MSR1: variants seen among roughly 807,000 people sequenced by gnomAD.
MSR1 encodes macrophage scavenger receptor types I and II.
MSR1 carries 53 observed loss-of-function variants against 47.2 expected under a neutral mutation model. That is an observed-to-expected ratio of 1.12 (90% CI 0.90 to 1.41). The LOEUF (loss-of-function observed/expected upper bound fraction) is 1.41, where lower values mean the gene tolerates loss of function less well. MSR1 is among the 40% of genes most tolerant of loss of function. MSR1 has a pLI of 0.00. For missense variants in MSR1, 786 were observed against 546.9 expected (o/e 1.44, Z -4.36); for synonymous variants, 239 against 185.6 (o/e 1.29, Z -2.34).
chr8:16,173,767 G>C (rs1052081705), intron 3 of MSR1, among the ~76,000 whole-genome samples: 2 of 152,018 alleles, frequency 1.3e-5, no homozygotes, highest in African/African-American at 2.4e-5. Context: ...TCCTGGCTCA[G>C]CCTCCCGAGT....
chr8:16,123,064 C>A (rs1406662533), intron 8 of MSR1, among the ~76,000 whole-genome samples: 1 of 151,920 alleles, frequency 6.6e-6, no homozygotes, highest in Non-Finnish European at 1.5e-5. Context: ...CCAGGATGGT[C>A]TGGATTTCCT....
At chr8:16,149,807 A>C (rs2117130094) in intron 7 of MSR1, among the ~76,000 whole-genome samples, 1 of 152,116 alleles carries the variant, frequency 6.6e-6, no homozygotes, top group South Asian at 2.1e-4. Context: ...TTGTGGTTAA[A>C]CGGGTATTTA....
intron 3 of MSR1, 120 bp downstream of exon 3, chr8:16,175,067 T>A (rs1801601538): frequency 2.5e-6 from 2 of 795,608 alleles, no homozygotes; most frequent in Admixed American, 2.0e-5. Flanking sequence ...GGACACTTTG[T>A]AATGCAGTAT....
At chr8:16,148,342 A>C (rs1288526498) in intron 7 of MSR1, among the ~76,000 whole-genome samples, 2 of 152,154 alleles carry the variant, frequency 1.3e-5, no homozygotes, top group African/African-American at 2.4e-5. Context: ...GAATGAAATA[A>C]TACTCTCCAA....
chr8:16,170,284 G>T (rs1013752333), intron 3 of MSR1, among the ~76,000 whole-genome samples: 1 of 151,710 alleles, frequency 6.6e-6, no homozygotes, highest in Non-Finnish European at 1.5e-5. Context: ...GGAGGCAGAG[G>T]TTGCAGTGAG....
Position 16,149,607 on chromosome 8 carries a change from G to C in MSR1, c.979+624C>G, listed in dbSNP as rs905330234. 3.9e-5 allele frequency among the ~76,000 whole-genome samples: 6 copies of C among 152,064 alleles called. No homozygotes were observed. The East Asian group carries it at 1.2e-3, about 29-fold the overall frequency. Reference sequence around the variant, plus strand: ...GCTCTTTCTAAGATTGCTGTTCAAAGTTTGCAATTTAAGCTTAGGCTACTG... The same window carrying C: ...GCTCTTTCTAAGATTGCTGTTCAAACTTTGCAATTTAAGCTTAGGCTACTG... On this transcript the variant is annotated intron_variant, in intron 7 of 9. Transcript: ENST00000262101.
At chr8:16,186,598 T>A (rs1051240978) in intron 1 of MSR1, among the ~76,000 whole-genome samples, 1 of 151,752 alleles carries the variant, frequency 6.6e-6, no homozygotes, top group Non-Finnish European at 1.5e-5. Context: ...CTTGCTAGCA[T>A]CCTGTCCAAG....
Position 16,141,156 on chromosome 8 carries a change from C to T in MSR1, c.1033+2402G>A, listed in dbSNP as rs981672847. 5 of 1,194,630 alleles carry T rather than the reference C, an allele frequency of 4.2e-6. No homozygotes were observed. The African/African-American group carries it at 6.1e-5, about 15-fold the overall frequency. The allele number at this position is 1,194,630 out of a possible 1,614,324, so 74.0% of individuals were successfully genotyped here. A position where few individuals can be genotyped will look rare whatever the true frequency, so the allele number is the denominator to read the frequency against. On this transcript the variant is annotated intron_variant, in intron 8 of 9. Transcript: ENST00000262101. ...ATTCAATATAAATTTTCACATACCA[C>T]CATTAACTACAGATGTGGGGAATCA... is the stretch of plus-strand genomic sequence containing the variant.
intron 9 of MSR1, among the ~76,000 whole-genome samples, chr8:16,115,994 A>C (rs1358182530): frequency 6.6e-6 from 1 of 151,974 alleles, no homozygotes; most frequent in African/African-American, 2.4e-5. Flanking sequence ...TCTATAAAAT[A>C]AAAAATCTAA....
rs1349539919 is a variant in MSR1 at position 16,175,310 on chromosome 8, C to CA, written c.104-11dup. On this transcript the variant is annotated splice_polypyrimidine_tract_variant and intron_variant, in intron 2 of 9. Transcript: ENST00000262101. ...GGGCTGTTTTTAGGATCTAATAAAA[C>CA]AAAAAAGCCCAGCCTACTGTTAGAA... 4 of 1,599,504 alleles carry CA rather than the reference C, an allele frequency of 2.5e-6. No homozygotes were observed. Among genetic ancestry groups the CA allele is most frequent in the Non-Finnish European group, 3.4e-6 (4 of 1,166,922 alleles).
intron 9 of MSR1, among the ~76,000 whole-genome samples, chr8:16,115,758 G>A (rs1029031503): frequency 6.6e-6 from 1 of 152,074 alleles, no homozygotes; most frequent in Admixed American, 6.6e-5. Flanking sequence ...CAGGAGGATT[G>A]CTTGAGGCTA....
chr8:16,126,711 T>A (rs1800136825), intron 8 of MSR1, among the ~76,000 whole-genome samples: 1 of 151,938 alleles, frequency 6.6e-6, no homozygotes, highest in South Asian at 2.1e-4. Context: ...TGGGACAGAG[T>A]CAAGAGGAGA....
At chr8:16,159,811 G>T (rs946517592) in intron 5 of MSR1, among the ~76,000 whole-genome samples, 9 of 151,808 alleles carry the variant, frequency 5.9e-5, no homozygotes, top group Admixed American at 6.6e-5. Context: ...AGTATCAGCT[G>T]GGCCTTACTA....
chr8:16,173,802 C>A (rs1254406279), intron 3 of MSR1, among the ~76,000 whole-genome samples: 2 of 152,082 alleles, frequency 1.3e-5, no homozygotes, highest in Non-Finnish European at 2.9e-5. Context: ...GCACCCGCCA[C>A]CACTCCTGGC....
At chr8:16,189,619 T>A in intron 1 of MSR1, among the ~76,000 whole-genome samples, 1 of 27,438 alleles carries the variant, frequency 3.6e-5, no homozygotes, top group African/African-American at 2.3e-4. Context: ...TCTTATTTTA[T>A]ATATATTTTA....
intron 9 of MSR1, 127 bp downstream of exon 9, chr8:16,120,291 C>T: frequency 3.2e-6 from 3 of 942,952 alleles, no homozygotes; most frequent in South Asian, 1.4e-5. Context: ...GGAGGAGAAT[C>T]GCTTGAATCC....
In MSR1 at chr8:16,168,793, C is replaced by T. The variant is rs759789522; in HGVS notation, c.295G>A (p.Gly99Arg). The part of the protein sequence containing the change: ...NANDITQSLT[G>R]KGNDSEEEMR... The stretch of plus-strand genomic sequence containing the variant: ...TCCTCTTCGCTGTCATTTCCTTTTC[C>T]CGTGAGACTTTGAGTTATATCATTT... The change falls in exon 4 of 10, where the codon GGA becomes AGA. Residue 99 changes from glycine to arginine, a missense_variant. Physicochemically the swap from Gly to Arg is moderately radical, Grantham distance 125 (BLOSUM62 -2). Transcript: ENST00000262101. 5 of 1,614,100 alleles carry T rather than the reference C, an allele frequency of 3.1e-6. No individual in the cohort carries two copies. Among genetic ancestry groups the T allele is most frequent in the Non-Finnish European group, 2.5e-6 (3 of 1,180,012 alleles).
In MSR1 at chr8:16,120,485, C is replaced by T; in HGVS notation, c.1155G>A (p.Gln385=). ...CDDRWEVRVG[Q]VVCRSLGYPG... ...GGTATCCCAAGCTCCTACAGACGAC[C>T]TGTCCAACGCGCACTTCCCAGCGAT... The change falls in exon 9 of 10, where the codon CAG becomes CAA. Residue 385 remains glutamine (Q), a synonymous_variant. Transcript: ENST00000262101. 1 of 1,613,932 alleles carries T rather than the reference C, an allele frequency of 6.2e-7. No individual in the cohort carries two copies. Among genetic ancestry groups the T allele is most frequent in the South Asian group, 1.1e-5 (1 of 91,078 alleles).
intron 1 of MSR1, among the ~76,000 whole-genome samples, chr8:16,189,448 A>T (rs1184845136): frequency 5.2e-5 from 4 of 77,576 alleles, no homozygotes; most frequent in South Asian, 4.2e-4. Context: ...TATATATATA[A>T]AATCTTATTT....
Sources: gnomAD v4.1 joint callset for allele counts (sites outside exome capture counted in the v4.1 genomes callset) on GRCh38, gnomAD v4.1.1 for gene constraint, MANE v1.5 for transcripts, NCBI Gene and HGNC (gene_info 2026-07-23, HGNC 2026-07-21) for gene names.